The following ATP2B2 variants were observed in gnomAD, a reference collection of about 807,000 sequenced individuals.
ATP2B2 encodes the protein ATPase plasma membrane Ca2+ transporting 2.
Under a neutral mutation model 120.0 loss-of-function variants are expected in ATP2B2, and 15 were observed. That is an observed-to-expected ratio of 0.12 (90% CI 0.08 to 0.19). The LOEUF (loss-of-function observed/expected upper bound fraction) is 0.19. Among genes scored for constraint, ATP2B2 ranks in the 10% least tolerant of loss-of-function variants. The pLI is 1.00. For missense variants in ATP2B2, 1,045 were observed against 1,719.8 expected (o/e 0.61, Z 6.94); for synonymous variants, 694 against 700.3 (o/e 0.99, Z 0.14).
chr3:10,408,253 G>T (rs1246920500), intron 3 of ATP2B2, among the ~76,000 whole-genome samples: 1 of 152,254 alleles, frequency 6.6e-6, no homozygotes, highest in African/African-American at 2.4e-5. Flanking sequence ...AAGGCTGTGT[G>T]CAGGGAGAAG....
At chr3:10,415,798 G>A (rs544417307) in intron 2 of ATP2B2, among the ~76,000 whole-genome samples, 15 of 152,338 alleles carry the variant, frequency 9.8e-5, no homozygotes, top group Non-Finnish European at 2.2e-4. Context: ...CAAAGGCAGC[G>A]AGGCCCTGAA....
At chr3:10,473,419 G>C (rs757565094) in intron 1 of ATP2B2, among the ~76,000 whole-genome samples, 69 of 152,162 alleles carry the variant, frequency 4.5e-4, no homozygotes, top group Non-Finnish European at 7.8e-4. Context: ...ATCACTTGAG[G>C]CCAGGAGTTT....
chr3:10,578,878 T>C (rs923863687), intron 2 of ATP2B2, among the ~76,000 whole-genome samples: 1 of 152,188 alleles, frequency 6.6e-6, no homozygotes, highest in African/African-American at 2.4e-5. Flanking sequence ...ACCGTGGTAA[T>C]GGTCAGAGCA....
intron 2 of ATP2B2, among the ~76,000 whole-genome samples, chr3:10,583,789 C>A (rs9968086): frequency 0.057 from 8,610 of 152,194 alleles, 414 homozygotes; most frequent in East Asian, 0.22. Flanking sequence ...CCGGTTGCAC[C>A]CTGTTTCCCA....
chr3:10,419,621 C>G (rs1036520876), intron 2 of ATP2B2, among the ~76,000 whole-genome samples: 1 of 152,222 alleles, frequency 6.6e-6, no homozygotes, highest in Non-Finnish European at 1.5e-5. Context: ...GGGCCTTGGG[C>G]TGTCTCACTT....
chr3:10,429,209 C>T (rs1236806820), intron 2 of ATP2B2, among the ~76,000 whole-genome samples: 1 of 152,186 alleles, frequency 6.6e-6, no homozygotes, highest in Non-Finnish European at 1.5e-5. Context: ...CTACCCAGCC[C>T]TTGTCTTATT....
intron 2 of ATP2B2, among the ~76,000 whole-genome samples, chr3:10,438,301 G>A (rs1350854087): frequency 6.6e-6 from 1 of 152,178 alleles, no homozygotes; most frequent in African/African-American, 2.4e-5. Context: ...AGGCCCCAGG[G>A]AACACTCCAT....
chr3:10,488,961 C>T (rs926195439), intron 1 of ATP2B2, among the ~76,000 whole-genome samples: 34 of 152,320 alleles, frequency 2.2e-4, no homozygotes, highest in African/African-American at 7.9e-4. Flanking sequence ...CGAGACCCTG[C>T]GTGATCCTGG....
In ATP2B2 at chr3:10,647,016, G is replaced by A. The variant is rs534875918; in HGVS notation, c.-459-27055C>T. 1.5e-4 allele frequency among the ~76,000 whole-genome samples: 23 copies of A among 152,304 alleles called. No individual in the cohort carries two copies. In the East Asian group the frequency reaches 4.4e-3, roughly 29 times the overall value. ...TGCCAGGTGAATGATGGACTACAAAGGGAAATTATGTGACACTGTGATTCA... is the reference window on the plus strand; with the variant it reads ...TGCCAGGTGAATGATGGACTACAAAAGGAAATTATGTGACACTGTGATTCA... On this transcript the variant is annotated intron_variant, in intron 1 of 21. Transcript: ENST00000646379.
intron 2 of ATP2B2, among the ~76,000 whole-genome samples, chr3:10,441,498 C>T (rs1378701485): frequency 6.6e-6 from 1 of 152,210 alleles, no homozygotes; most frequent in African/African-American, 2.4e-5. Flanking sequence ...CCTTGGCCTC[C>T]CAAAGTGCTG....
At chr3:10,566,544 T>C (rs982524962) in intron 2 of ATP2B2, 1 of 152,246 alleles carries the variant, frequency 6.6e-6, no homozygotes, top group African/African-American at 2.4e-5. Context: ...GTGACTATAA[T>C]GAGACAGTCA....
chr3:10,563,034 T>C (rs75453141), intron 2 of ATP2B2, among the ~76,000 whole-genome samples: 3,171 of 152,352 alleles, frequency 0.021, 55 homozygotes, highest in Admixed American at 0.041. Flanking sequence ...TAATTTCTTT[T>C]CAACTTTGTC....
chr3:10,399,336 C>T (rs1386530612), intron 5 of ATP2B2, among the ~76,000 whole-genome samples: 1 of 152,220 alleles, frequency 6.6e-6, no homozygotes, highest in African/African-American at 2.4e-5. Context: ...GGGCTTTGCA[C>T]TTGCTATCTC....
In ATP2B2 at chr3:10,636,988, A is replaced by AG. The variant is rs565344066; in HGVS notation, c.-459-17028dup. Among the ~76,000 whole-genome samples, 69 of 152,372 alleles carry AG rather than the reference A, an allele frequency of 4.5e-4. 1 individual carries two copies. The highest frequency in any genetic ancestry group is 1.6e-3 in the African/African-American group (68 of 41,596). On this transcript the variant is annotated intron_variant, in intron 1 of 21. Transcript: ENST00000646379. The stretch of plus-strand genomic sequence containing the variant: ...TGGGAGCAAGGCCTGGCAGTCAGAC[A>AG]GGGCTGGAAATAGTGCCTATTGCCA...
chr3:10,677,198 C>A (rs1409789340), intron 1 of ATP2B2, among the ~76,000 whole-genome samples: 1 of 152,164 alleles, frequency 6.6e-6, no homozygotes, highest in Non-Finnish European at 1.5e-5. Flanking sequence ...AACCGTGGTA[C>A]ACCCAGACAA....
At chr3:10,489,486 C>T (rs1432337316) in intron 1 of ATP2B2, among the ~76,000 whole-genome samples, 1 of 152,212 alleles carries the variant, frequency 6.6e-6, no homozygotes, top group Non-Finnish European at 1.5e-5. Context: ...CCAAATGTGT[C>T]TGTTCATAAC....
chr3:10,645,878 TCTC>T (rs1373013561), intron 1 of ATP2B2, among the ~76,000 whole-genome samples: 2 of 152,134 alleles, frequency 1.3e-5, no homozygotes, highest in Non-Finnish European at 2.9e-5. Flanking sequence ...GCTCCACACT[TCTC>T]CTGTGTGTGA....
intron 1 of ATP2B2, among the ~76,000 whole-genome samples, chr3:10,453,325 G>A (rs1178472309): frequency 6.6e-6 from 1 of 152,208 alleles, no homozygotes; most frequent in African/African-American, 2.4e-5. Context: ...ACCAAGCCCA[G>A]AACATAGTCA....
chr3:10,449,173 GC>G (rs1216155054), intron 2 of ATP2B2, among the ~76,000 whole-genome samples, 171 bp downstream of exon 2: 2 of 152,226 alleles, frequency 1.3e-5, no homozygotes, highest in African/African-American at 4.8e-5. Flanking sequence ...CTGCTCCCCA[GC>G]CTATCCAGAG....
Sources: gnomAD v4.1 joint callset for allele counts (sites outside exome capture counted in the v4.1 genomes callset) on GRCh38, gnomAD v4.1.1 for gene constraint, MANE v1.5 for transcripts, NCBI Gene and HGNC (gene_info 2026-07-23, HGNC 2026-07-21) for gene names.